TTBK2: variants seen among roughly 807,000 people sequenced by gnomAD.
TTBK2 encodes the protein tau-tubulin kinase 2.
TTBK2 carries 28 observed loss-of-function variants against 110.8 expected under a neutral mutation model. The observed-to-expected ratio is 0.25, with a 90% CI of 0.19 to 0.35. TTBK2 has a LOEUF of 0.35. Ranked by LOEUF, TTBK2 falls within the 10% of genes least tolerant of loss-of-function variation. The pLI, the probability that TTBK2 is intolerant of heterozygous loss-of-function variation, is 1.00. For missense variants in TTBK2, 1,369 were observed against 1,500.3 expected, an observed-to-expected ratio of 0.91 and a Z score of 1.45; for synonymous variants, 532 against 527.3, an observed-to-expected ratio of 1.01 and a Z score of -0.12.
chr15:42,822,578 A>G (rs903300421), intron 6 of TTBK2, among the ~76,000 whole-genome samples: 1 of 152,178 alleles, frequency 6.6e-6, no homozygotes, highest in Non-Finnish European at 1.5e-5. Flanking sequence ...ATCTGATATG[A>G]CTGCAGCAGA....
intron 14 of TTBK2, among the ~76,000 whole-genome samples, chr15:42,747,594 T>A (rs2061811873): frequency 6.6e-6 from 1 of 152,186 alleles, no homozygotes; most frequent in Non-Finnish European, 1.5e-5. Flanking sequence ...TTCACGCTCC[T>A]ATGGGAATCT....
At chr15:42,895,489 C>A (rs1014561140) in intron 1 of TTBK2, among the ~76,000 whole-genome samples, 1 of 151,512 alleles carries the variant, frequency 6.6e-6, no homozygotes, top group Non-Finnish European at 1.5e-5. Flanking sequence ...ACCCCTTGGA[C>A]CTAAAATAAA....
chr15:42,887,116 G>C (rs1285457892), intron 1 of TTBK2, among the ~76,000 whole-genome samples: 1 of 152,116 alleles, frequency 6.6e-6, no homozygotes, highest in Non-Finnish European at 1.5e-5. Context: ...TAAGTGTTGT[G>C]GGTATTGACA....
intron 9 of TTBK2, among the ~76,000 whole-genome samples, chr15:42,802,682 T>C (rs1268367187): frequency 2.6e-5 from 4 of 152,188 alleles, no homozygotes; most frequent in African/African-American, 9.6e-5. Flanking sequence ...CTGAGAAATG[T>C]GTCGACAGGC....
In TTBK2 at chr15:42,809,522, C is replaced by T. The variant is rs533606222; in HGVS notation, c.822+1092G>A. On this transcript the variant is annotated intron_variant, in intron 9 of 14. Transcript: ENST00000267890. ...ATGGGAAAGTTGGAACAATTTTCAG[C>T]TCCTCTTGAATCTAGTCTTACAGGT... Among the ~76,000 whole-genome samples the T allele has an allele frequency of 1.1e-4, 17 of 152,300 alleles. No individual in the cohort carries two copies. The South Asian group carries it at 3.3e-3, about 30-fold the overall frequency.
intron 3 of TTBK2, chr15:42,871,679 A>G (rs1197956004): frequency 1.5e-6 from 1 of 689,198 alleles, no homozygotes; most frequent in Non-Finnish European, 1.8e-6. Context: ...AGAAAAAGAA[A>G]GAGCCATCCT....
At chr15:42,763,159 T>TATATATATATATATATAC (rs1889136659) in intron 13 of TTBK2, among the ~76,000 whole-genome samples, 8 of 8,000 alleles carry the variant, frequency 1.0e-3, no homozygotes, top group Non-Finnish European at 1.6e-3. Context: ...TATATATACA[T>TATATATATATATATATAC]ATATATATAT....
At chr15:42,770,194 A>C (rs1051960034) in intron 13 of TTBK2, among the ~76,000 whole-genome samples, 1 of 152,092 alleles carries the variant, frequency 6.6e-6, no homozygotes, top group Non-Finnish European at 1.5e-5. Context: ...ATGTATACCT[A>C]TGTAACAAAC....
In TTBK2 at chr15:42,763,169, T is replaced by TAC. The variant is rs1567008884; in HGVS notation, c.1999-9923_1999-9922insGT. 5.2e-3 allele frequency among the ~76,000 whole-genome samples: 78 copies of TAC among 14,872 alleles called. 2 individuals are homozygous for TAC. Among genetic ancestry groups the TAC allele is most frequent in the African/African-American group, 0.017 (53 of 3,210 alleles). The allele number at this position is 14,872 out of a possible 152,430, so 9.8% of individuals were successfully genotyped here. ...ATATATATATATACATATATATATA[T>TAC]ATATATATATATATATATATATATT... On this transcript the variant is annotated intron_variant, in intron 13 of 14. Coordinates refer to ENST00000267890, the MANE Select transcript of TTBK2 (RefSeq NM_173500.4).
Position 42,842,902 on chromosome 15 carries a change from A to G in TTBK2, c.218-2469T>C, listed in dbSNP as rs527290509. On this transcript the variant is annotated intron_variant, in intron 3 of 14. Transcript: ENST00000267890. ...GTTGATCACTTAACATGTATTTTAC[A>G]TATATTTGCAAAATAGTGTTATCTA... is the stretch of plus-strand genomic sequence containing the variant. Among the ~76,000 whole-genome samples, 103 of 152,318 alleles carry G rather than the reference A, an allele frequency of 6.8e-4. 2 individuals are homozygous for G. In the South Asian group the frequency reaches 0.021, roughly 32 times the overall value.
chr15:42,812,826 A>T (rs1391186158), intron 7 of TTBK2, among the ~76,000 whole-genome samples: 2 of 152,150 alleles, frequency 1.3e-5, no homozygotes, highest in African/African-American at 2.4e-5. Flanking sequence ...AGAAATAAAA[A>T]GCGCAATTAT....
intron 13 of TTBK2, 34 bp downstream of exon 13, chr15:42,775,101 T>A (rs1306717678): frequency 1.9e-6 from 3 of 1,599,148 alleles, no homozygotes; most frequent in African/African-American, 1.3e-5. Context: ...CTTGAGTGGA[T>A]AACAGAGAAT....
rs561015654 is a variant in TTBK2 at position 42,870,170 on chromosome 15, T to C, written c.217+2441A>G. On this transcript the variant is annotated intron_variant, in intron 3 of 14. Transcript: ENST00000267890. ...GCCTGGGCAACAGAGCAAGACTCCATCACAAAAAAAAAATAATAATAATAA... is the reference window on the plus strand; with the variant it reads ...GCCTGGGCAACAGAGCAAGACTCCACCACAAAAAAAAAATAATAATAATAA... Among the ~76,000 whole-genome samples, 6 of 151,438 alleles carry C rather than the reference T, an allele frequency of 4.0e-5. 2 individuals are homozygous for C. Among genetic ancestry groups the C allele is most frequent in the African/African-American group, 1.2e-4 (5 of 41,278 alleles).
intron 3 of TTBK2, among the ~76,000 whole-genome samples, chr15:42,851,037 A>C (rs1260371377): frequency 1.3e-5 from 2 of 151,842 alleles, no homozygotes; most frequent in Non-Finnish European, 2.9e-5. Flanking sequence ...CATCCTGGCT[A>C]ACACAGTGAG....
intron 1 of TTBK2, among the ~76,000 whole-genome samples, chr15:42,882,843 C>G (rs1895099219): frequency 2.0e-5 from 3 of 152,034 alleles, no homozygotes; most frequent in Admixed American, 1.3e-4. Context: ...AAAATTAAGA[C>G]TATGTGTTGT....
intron 3 of TTBK2, among the ~76,000 whole-genome samples, chr15:42,864,354 G>T (rs1480805575): frequency 6.6e-6 from 1 of 152,186 alleles, no homozygotes; most frequent in African/African-American, 2.4e-5. Context: ...GGAGGCCAAA[G>T]CAGGCAGATC....
rs55796513 is a variant in TTBK2 at position 42,746,240 on chromosome 15, A to G, written c.3290T>C (p.Val1097Ala). ...GVEARLRRYK[V>A]LGSSNSDSDL... is the part of the protein sequence containing the mutation. Reference sequence around the variant, plus strand: ...TGAGTCGGAGTTACTACTCCCTAGGACTTTATATCTGCGTAGCCTTAAAAG... The same window carrying G: ...TGAGTCGGAGTTACTACTCCCTAGGGCTTTATATCTGCGTAGCCTTAAAAG... The change falls in exon 15 of 15, where the codon GTC becomes GCC. Residue 1097 changes from valine to alanine, a missense_variant. Transcript: ENST00000267890. The G allele has an allele frequency of 2.7e-5, 44 of 1,613,368 alleles. No homozygotes were observed. The East Asian group carries it at 9.6e-4, about 35-fold the overall frequency.
intron 6 of TTBK2, among the ~76,000 whole-genome samples, chr15:42,826,044 A>C (rs1271537867): frequency 2.0e-5 from 3 of 152,162 alleles, no homozygotes; most frequent in African/African-American, 7.2e-5. Context: ...AGACAAAATA[A>C]ACAAAATCAA....
intron 13 of TTBK2, 94 bp downstream of exon 13, chr15:42,775,041 T>G: frequency 7.3e-7 from 1 of 1,363,450 alleles, no homozygotes; most frequent in Non-Finnish European, 1.0e-6. Flanking sequence ...AATTTAGGCC[T>G]GTACTGAAGT....
Sources: allele counts gnomAD v4.1 joint callset (sites outside exome capture counted in the v4.1 genomes callset), GRCh38; gene constraint gnomAD v4.1.1; transcripts MANE v1.5; gene names NCBI Gene and HGNC (gene_info 2026-07-23, HGNC 2026-07-21).